Variants in AGL observed in about 807,000 individuals in gnomAD.
AGL encodes the protein amylo-alpha-1,6-glucosidase and 4-alpha-glucanotransferase.
In AGL, 128 loss-of-function variants were observed where a neutral mutation model predicts 199.3. The ratio of observed to expected loss-of-function variants is 0.64; its 90% confidence interval spans 0.56 to 0.74. The LOEUF (loss-of-function observed/expected upper bound fraction) is 0.74, where lower values mean the gene tolerates loss of function less well. Ranked by LOEUF, AGL falls within the 30% of genes least tolerant of loss-of-function variation. The pLI is 0.00. For missense variants in AGL, 1,809 were observed against 1,820.8 expected (o/e 0.99, Z 0.12); for synonymous variants, 584 against 594.7 (o/e 0.98, Z 0.26).
At chr1:99,902,097 T>C (rs1227023115) in intron 26 of AGL, among the ~76,000 whole-genome samples, 1 of 152,158 alleles carries the variant, frequency 6.6e-6, no homozygotes, top group Non-Finnish European at 1.5e-5. Context: ...GTAAGGACTC[T>C]AAACATTTTG....
intron 8 of AGL, 117 bp from the exon 9 acceptor site, chr1:99,875,037 A>G (rs1651393767): frequency 2.8e-6 from 3 of 1,067,146 alleles, no homozygotes; most frequent in Non-Finnish European, 2.8e-6. Context: ...ATCATCAGCC[A>G]TAATTGAAAT....
intron 21 of AGL, among the ~76,000 whole-genome samples, chr1:99,889,994 C>G (rs377057120): frequency 6.6e-6 from 1 of 152,128 alleles, no homozygotes; most frequent in South Asian, 2.1e-4. Flanking sequence ...TATTTCCCTC[C>G]TTATAATACG....
chr1:99,877,463 G>C (rs1440224560), intron 11 of AGL, among the ~76,000 whole-genome samples, 178 bp from the exon 12 acceptor site: 1 of 152,082 alleles, frequency 6.6e-6, no homozygotes, highest in Non-Finnish European at 1.5e-5. Flanking sequence ...GAATAGCTAT[G>C]AGAAATAAAT....
At chr1:99,862,193 A>G (rs1650100146) in intron 3 of AGL, 64 bp from the exon 4 acceptor site, 4 of 1,449,028 alleles carry the variant, frequency 2.8e-6, no homozygotes, top group Non-Finnish European at 3.9e-6. Flanking sequence ...GAGTCAGACT[A>G]TATTATATGA....
chr1:99,899,528 C>T (rs200664436), intron 25 of AGL, among the ~76,000 whole-genome samples: 2,103 of 112,974 alleles, frequency 0.019, 27 homozygotes, highest in Middle Eastern at 0.074. Flanking sequence ...CTCTCTCTCT[C>T]TTTCTCTCTC....
At chr1:99,882,590 T>C (rs1270893363) in intron 17 of AGL, among the ~76,000 whole-genome samples, 2 of 152,214 alleles carry the variant, frequency 1.3e-5, no homozygotes, top group African/African-American at 4.8e-5. Flanking sequence ...GTGATTCTTC[T>C]GAACATGTAG....
In AGL at chr1:99,864,580, A is replaced by C; in HGVS notation, c.655A>C (p.Asn219His). 6.2e-7 allele frequency: 1 copy of C among 1,613,484 alleles called. No individual in the cohort carries two copies. The highest frequency in any genetic ancestry group is 8.5e-7 in the Non-Finnish European group (1 of 1,179,580). ...NVICITDVVY[N>H]HTAANSKWIQ... ...TATTTGTATTACTGATGTTGTCTAC[A>C]ATCATACTGGTATGAGCTTCATTGA... The change falls in exon 5 of 34, where the codon AAT (asparagine) becomes CAT (histidine). Residue 219 changes from asparagine to histidine, a missense_variant. By Grantham distance (68) the Asn-to-His change is moderately conservative (BLOSUM62 1). Transcript: ENST00000361915.
upstream of AGL, chr1:99,850,114 C>G (rs1212253434): frequency 6.6e-6 from 1 of 152,408 alleles, no homozygotes; most frequent in Non-Finnish European, 1.5e-5. Context: ...ACGGTCCGCT[C>G]CCACCTGGGG....
intron 4 of AGL, among the ~76,000 whole-genome samples, chr1:99,863,129 G>A (rs1427392179): frequency 2.0e-5 from 3 of 151,610 alleles, no homozygotes; most frequent in South Asian, 2.1e-4. Context: ...TAGTAGAGAC[G>A]GGGTTTCACC....
chr1:99,919,490 A>G (rs1373753818), intron 33 of AGL, among the ~76,000 whole-genome samples: 1 of 152,168 alleles, frequency 6.6e-6, no homozygotes, highest in Non-Finnish European at 1.5e-5. Context: ...ATAGTGAAAA[A>G]TGTTATTTAG....
chr1:99,881,427 G>A lies in AGL; in HGVS notation c.2137G>A (p.Gly713Arg), dbSNP rs763281839. Residue 713 changes from glycine (G) to arginine (R), a missense_variant, in exon 16 of 34, where the codon GGA becomes AGA. Transcript: ENST00000361915. Reference sequence around the variant, plus strand: ...TATCAGTAAACTTCATCAGGAGCTTGGAGCCAAGGGTTTTATTCAGGCAAG... The same window carrying A: ...TATCAGTAAACTTCATCAGGAGCTTAGAGCCAAGGGTTTTATTCAGGCAAG... ...CAISKLHQEL[G>R]AKGFIQVYVD... 6.2e-7 allele frequency: 1 copy of A among 1,614,076 alleles called. No homozygotes were observed. Among genetic ancestry groups the A allele is most frequent in the Non-Finnish European group, 8.5e-7 (1 of 1,179,990 alleles).
At position 99,862,372 on chromosome 1, in the gene AGL, TTGGG is replaced by T. The variant is rs2101087361; in HGVS notation, c.410_413del (p.Leu137TyrfsTer20). 1 of 1,614,122 alleles carries T rather than the reference TTGGG, an allele frequency of 6.2e-7. No homozygotes were observed. The highest frequency in any genetic ancestry group is 8.5e-7 in the Non-Finnish European group (1 of 1,180,002). ...TCTTCAGACATTTTTAGCTAAGTGT[TTGGG>T]ACCTTTTGATGAATGGGAAAGCAGA... On this transcript the variant is annotated frameshift_variant, in exon 4 of 34. Coordinates refer to ENST00000361915, the MANE Select transcript of AGL (RefSeq NM_000642.3). LOFTEE classifies it high-confidence loss of function.
chr1:99,901,366 C>G (rs918491542), intron 26 of AGL, among the ~76,000 whole-genome samples: 31 of 83,388 alleles, frequency 3.7e-4, no homozygotes, highest in Non-Finnish European at 6.3e-4. Context: ...GGCAACATAG[C>G]AAAACTCAGT....
intron 26 of AGL, among the ~76,000 whole-genome samples, chr1:99,901,437 T>C (rs1653831760): frequency 6.6e-6 from 1 of 150,592 alleles, no homozygotes; most frequent in Non-Finnish European, 1.5e-5. Context: ...GCATAGTGGA[T>C]TGAAGCACAG....
chr1:99,910,599 A>G, intron 27 of AGL, 113 bp from the exon 28 acceptor site: 1 of 448,120 alleles, frequency 2.2e-6, no homozygotes, highest in Non-Finnish European at 3.5e-6. Context: ...ACTGAGCTTT[A>G]GAGTGGTTGT....
chr1:99,898,987 C>G (rs556705945), intron 25 of AGL, among the ~76,000 whole-genome samples: 3 of 152,226 alleles, frequency 2.0e-5, no homozygotes, highest in South Asian at 2.1e-4. Flanking sequence ...TGGCTCACAA[C>G]TGTAATCAGC....
intron 17 of AGL, among the ~76,000 whole-genome samples, chr1:99,883,470 A>G (rs1652206939): frequency 6.6e-6 from 1 of 152,178 alleles, no homozygotes. Context: ...GTATATTCAT[A>G]CAGTAGAATA....
At chr1:99,852,510 C>T in intron 2 of AGL, 1 of 614,898 alleles carries the variant, frequency 1.6e-6, no homozygotes, top group Non-Finnish European at 2.9e-6. Flanking sequence ...GCTGGGACTG[C>T]AGGCATACAT....
At chr1:99,864,319 T>C in intron 4 of AGL, 67 bp from the exon 5 acceptor site, 1 of 1,377,742 alleles carries the variant, frequency 7.3e-7, no homozygotes, top group Admixed American at 1.7e-5. Flanking sequence ...AAATTTATAT[T>C]TTCTTCATTT....
Sources: allele counts gnomAD v4.1 joint callset (sites outside exome capture counted in the v4.1 genomes callset), GRCh38; gene constraint gnomAD v4.1.1; transcripts MANE v1.5; gene names NCBI Gene and HGNC (gene_info 2026-07-23, HGNC 2026-07-21).